The following DCT variants were observed in gnomAD, a reference collection of about 807,000 sequenced individuals.
DCT encodes dopachrome tautomerase.
In DCT, 47 loss-of-function variants were observed where a neutral mutation model predicts 53.0. The ratio of observed to expected loss-of-function variants is 0.89; its 90% CI spans 0.70 to 1.13. The LOEUF (loss-of-function observed/expected upper bound fraction) is 1.13, where lower values mean the gene tolerates loss of function less well. DCT is among the 50% of genes most tolerant of loss of function. The pLI is 0.00. For missense variants in DCT, 669 were observed against 637.4 expected, an observed-to-expected ratio of 1.05 and a Z score of -0.53; for synonymous variants, 244 against 237.0, an observed-to-expected ratio of 1.03 and a Z score of -0.27.
intron 1 of DCT, among the ~76,000 whole-genome samples, chr13:94,472,618 G>A (rs1293104180): frequency 9.1e-6 from 1 of 109,654 alleles, no homozygotes; most frequent in Non-Finnish European, 1.7e-5. Flanking sequence ...GTCTCACTCT[G>A]TCACCCAGGC....
chr13:94,469,503 C>CT (rs986143968), intron 1 of DCT, among the ~76,000 whole-genome samples: 10 of 152,302 alleles, frequency 6.6e-5, no homozygotes, highest in African/African-American at 2.4e-4. Flanking sequence ...AGACAGCCAT[C>CT]TGCAAGCCAA....
rs111392533 is a variant in DCT at position 94,469,845 on chromosome 13, C to T, written c.296-800G>A. 1.4e-3 allele frequency among the ~76,000 whole-genome samples: 210 copies of T among 152,236 alleles called. 1 individual carries two copies. The Middle Eastern group carries it at 0.017, about 12-fold the overall frequency. On this transcript the variant is annotated intron_variant, in intron 1 of 7. Transcript: ENST00000377028. ...ATCCCAGCACTTTGGGAGGCCGAGG[C>T]GGGCAGATCACTTGAGGTCTGGAGT...
intron 6 of DCT, among the ~76,000 whole-genome samples, chr13:94,445,936 G>A (rs894312736): frequency 6.6e-6 from 1 of 152,178 alleles, no homozygotes; most frequent in African/African-American, 2.4e-5. Flanking sequence ...GTGTTGGGGG[G>A]CTAGAGATGC....
At chr13:94,463,882 G>A (rs1163620328) in intron 4 of DCT, among the ~76,000 whole-genome samples, 1 of 152,164 alleles carries the variant, frequency 6.6e-6, no homozygotes, top group Non-Finnish European at 1.5e-5. Flanking sequence ...TTCCCAAAGT[G>A]GATTCCAATG....
At chr13:94,548,719 C>CAA in the DCT span, among the ~76,000 whole-genome samples, 3 of 151,132 alleles carry the variant, frequency 2.0e-5, no homozygotes, top group Non-Finnish European at 3.0e-5. Flanking sequence ...CACGTGAAAA[C>CAA]AAAAAAAAAT....
intron 3 of DCT, 58 bp from the exon 4 acceptor site, chr13:94,465,857 G>C (rs1419419130): frequency 6.8e-7 from 1 of 1,470,808 alleles, no homozygotes; most frequent in Non-Finnish European, 9.3e-7. Flanking sequence ...CAACAAGAAA[G>C]CATACAAGGC....
the DCT span, among the ~76,000 whole-genome samples, chr13:94,495,285 C>T: frequency 0.036 from 5,427 of 152,188 alleles, 199 homozygotes; most frequent in African/African-American, 0.088. Context: ...TTTGTGGAGA[C>T]AGGGTTTCAC....
chr13:94,539,696 A>G, the DCT span, among the ~76,000 whole-genome samples: 4 of 152,218 alleles, frequency 2.6e-5, no homozygotes, highest in Non-Finnish European at 4.4e-5. Flanking sequence ...TTCCAACATT[A>G]TCTTTAGAAT....
chr13:94,524,750 A>C, the DCT span, among the ~76,000 whole-genome samples: 1 of 152,036 alleles, frequency 6.6e-6, no homozygotes, highest in Non-Finnish European at 1.5e-5. Flanking sequence ...CGTGCCCCCA[A>C]ATTTCAGATG....
intron 1 of DCT, among the ~76,000 whole-genome samples, chr13:94,477,512 A>G (rs1885171742): frequency 6.6e-6 from 1 of 152,238 alleles, no homozygotes; most frequent in Non-Finnish European, 1.5e-5. Context: ...GGAGGGGTCA[A>G]AGGTTGAAAA....
At chr13:94,499,465 A>AGTGT in the DCT span, among the ~76,000 whole-genome samples, 10,461 of 150,718 alleles carry the variant, frequency 0.069, 629 homozygotes, top group African/African-American at 0.16. Context: ...CATGAGAGTG[A>AGTGT]GTGTGTGTGT....
At chr13:94,453,332 G>T (rs564874549) in intron 6 of DCT, among the ~76,000 whole-genome samples, 1 of 151,668 alleles carries the variant, frequency 6.6e-6, no homozygotes, top group Admixed American at 6.6e-5. Context: ...AATATGAAAA[G>T]AAATAAACAA....
At chr13:94,488,725 C>T in the DCT span, among the ~76,000 whole-genome samples, 211 of 1,898 alleles carry the variant, frequency 0.11, 1 homozygote, top group African/African-American at 0.34. Flanking sequence ...CTAATATATA[C>T]ACACACACAC....
At chr13:94,475,879 A>T (rs894617843) in intron 1 of DCT, among the ~76,000 whole-genome samples, 4 of 152,212 alleles carry the variant, frequency 2.6e-5, no homozygotes, top group African/African-American at 9.7e-5. Context: ...AAGTCTAGTA[A>T]ATTGAACTTA....
chr13:94,451,636 C>T (rs1883100099), intron 6 of DCT, among the ~76,000 whole-genome samples: 2 of 152,130 alleles, frequency 1.3e-5, no homozygotes, highest in Non-Finnish European at 2.9e-5. Flanking sequence ...CAAGACATCT[C>T]GCATAGGGGC....
At chr13:94,473,612 C>A (rs186532790) in intron 1 of DCT, among the ~76,000 whole-genome samples, 140 of 152,328 alleles carry the variant, frequency 9.2e-4, no homozygotes, top group Middle Eastern at 6.8e-3. Context: ...TCAAGCTCCA[C>A]TGGATGACAA....
Position 94,479,176 on chromosome 13 carries a change from CG to C in DCT, c.79del (p.Arg27GlufsTer4). On this transcript the variant is annotated frameshift_variant, in exon 1 of 8. Coordinates refer to ENST00000377028, the MANE Select transcript of DCT (RefSeq NM_001922.5). LOFTEE classifies it high-confidence loss of function. ...ILPGAQGQFP[R>X]VCMTVDSLVN... ...TAGGCTGTCCACCGTCATGCAGACT[CG>C]GGGGAACTGACCCTGGGCTCCTGGC... The C allele has an allele frequency of 4.3e-6, 7 of 1,612,668 alleles. No homozygotes were observed. The highest frequency in any genetic ancestry group is 5.1e-6 in the Non-Finnish European group (6 of 1,178,748).
the DCT span, among the ~76,000 whole-genome samples, chr13:94,502,635 C>A: frequency 6.6e-6 from 1 of 150,612 alleles, no homozygotes; most frequent in African/African-American, 2.4e-5. Flanking sequence ...CTTTCTGACC[C>A]CCTCCTCTCC....
chr13:94,469,688 G>A, intron 1 of DCT, among the ~76,000 whole-genome samples: 1 of 152,138 alleles, frequency 6.6e-6, no homozygotes, highest in South Asian at 2.1e-4. Context: ...GTCTCCTCCT[G>A]CGTCCACTCC....
Sources: gnomAD v4.1 joint callset for allele counts (sites outside exome capture counted in the v4.1 genomes callset) on GRCh38, gnomAD v4.1.1 for gene constraint, MANE v1.5 for transcripts, NCBI Gene and HGNC (gene_info 2026-07-23, HGNC 2026-07-21) for gene names.